The following LAMA3 variants were observed in gnomAD, a reference collection of about 807,000 sequenced individuals.
The protein encoded by LAMA3 is laminin subunit alpha 3, also known as laminin subunit alpha-3.
A neutral mutation model predicts 402.0 loss-of-function variants in LAMA3; 281 were observed. That is an observed-to-expected ratio of 0.70 (90% CI 0.63 to 0.77). The LOEUF (loss-of-function observed/expected upper bound fraction) is 0.77. Among genes scored for constraint, LAMA3 ranks in the 30% least tolerant of loss-of-function variants. The pLI is 0.00. For missense variants in LAMA3, 3,840 were observed against 4,215.5 expected, an observed-to-expected ratio of 0.91 and a Z score of 2.47; for synonymous variants, 1,431 against 1,558.4, an observed-to-expected ratio of 0.92 and a Z score of 1.93.
chr18:23,765,137 C>A (rs2062049494), intron 8 of LAMA3, among the ~76,000 whole-genome samples: 1 of 152,218 alleles, frequency 6.6e-6, no homozygotes, highest in Non-Finnish European at 1.5e-5. Context: ...AGAGGGGAGG[C>A]CAAAGTTGGT....
intron 37 of LAMA3, among the ~76,000 whole-genome samples, chr18:23,870,330 A>G (rs1323971664): frequency 2.0e-5 from 3 of 151,944 alleles, no homozygotes; most frequent in African/African-American, 7.2e-5. Flanking sequence ...TACCAAACAG[A>G]ACATAGCAAG....
chr18:23,734,489 A>T (rs1230336213), intron 2 of LAMA3, among the ~76,000 whole-genome samples: 2 of 152,226 alleles, frequency 1.3e-5, no homozygotes. Context: ...TGGTCACTGC[A>T]ACCACAGCTA....
intron 42 of LAMA3, among the ~76,000 whole-genome samples, chr18:23,892,412 A>G (rs921223794): frequency 1.3e-5 from 2 of 151,984 alleles, no homozygotes; most frequent in South Asian, 4.2e-4. Flanking sequence ...TCAACTAATA[A>G]GGGACACATT....
At chr18:23,912,602 A>G (rs567714648) in intron 55 of LAMA3, 109 bp from the exon 56 acceptor site, 1 of 882,254 alleles carries the variant, frequency 1.1e-6, no homozygotes, top group South Asian at 1.3e-5. Flanking sequence ...CCTTATCATA[A>G]CAACTCAGGA....
At chr18:23,765,791 A>C (rs981591784) in intron 8 of LAMA3, among the ~76,000 whole-genome samples, 5 of 152,212 alleles carry the variant, frequency 3.3e-5, no homozygotes, top group African/African-American at 1.2e-4. Context: ...TGAAAATTCT[A>C]TAACTAAAAA....
At chr18:23,954,401 T>TAACAAAAAAAA (rs1491557212) in intron 74 of LAMA3, 102 bp from the exon 75 acceptor site, 1 of 588,740 alleles carries the variant, frequency 1.7e-6, no homozygotes, top group Non-Finnish European at 2.6e-6. Context: ...GGACCCTGTC[T>TAACAAAAAAAA]AAAAAAAAAA....
chr18:23,713,905 CT>C lies in LAMA3; in HGVS notation c.295-4del, dbSNP rs112340800. On this transcript the variant is annotated splice_polypyrimidine_tract_variant and intron_variant, in intron 1 of 74. Coordinates refer to ENST00000313654, the MANE Select transcript of LAMA3 (RefSeq NM_198129.4). ...AAAAACAAAAAACAAAAAAAACCCA[CT>C]TTTTTTTTTTCAGGGCCAGTTCTGT... 42,651 of 1,183,188 alleles carry C rather than the reference CT, an allele frequency of 0.036. 1,135 individuals are homozygous for C. The highest frequency in any genetic ancestry group is 0.18 in the African/African-American group (11,680 of 66,136). The allele number at this position is 1,183,188 out of a possible 1,614,324, so 73.3% of individuals were successfully genotyped here.
Position 23,845,065 on chromosome 18 carries a change from A to G in LAMA3, c.3660A>G (p.Lys1220=), listed in dbSNP as rs1189053310. 5 of 1,613,674 alleles carry G rather than the reference A, an allele frequency of 3.1e-6. No individual in the cohort carries two copies. The East Asian group carries it at 1.1e-4, about 36-fold the overall frequency. ...ENYDYQILHK[K]SMDKSLEFIT... ...ATGACTACCAAATACTTCACAAAAA[A>G]TCCATGGACAAGTCACTCGAGTTTA... Residue 1220 remains lysine, a synonymous_variant, in exon 30 of 75, where the codon AAA becomes AAG. Coordinates refer to ENST00000313654, the MANE Select transcript of LAMA3 (RefSeq NM_198129.4).
intron 24 of LAMA3, among the ~76,000 whole-genome samples, chr18:23,836,406 G>A (rs185140838): frequency 1.4e-4 from 22 of 152,120 alleles, no homozygotes; most frequent in African/African-American, 5.1e-4. Context: ...GGGTTTTAAC[G>A]TTAGAGTTAT....
rs1568275276 is a variant in LAMA3, at chr18:23,867,922, A to G, written c.4767+5A>G. On this transcript the variant is annotated splice_donor_5th_base_variant and intron_variant, in intron 37 of 74. Coordinates refer to ENST00000313654, the MANE Select transcript of LAMA3 (RefSeq NM_198129.4). Reference sequence around the variant, plus strand: ...GGACGAGTGCACGTGGTCGAGGTAAAGGAAGAGCAACCATAGGATGGTCCT... The same window carrying G: ...GGACGAGTGCACGTGGTCGAGGTAAGGGAAGAGCAACCATAGGATGGTCCT... The G allele has an allele frequency of 1.2e-6, 2 of 1,612,188 alleles. No individual in the cohort carries two copies. Among genetic ancestry groups the G allele is most frequent in the East Asian group, 4.5e-5 (2 of 44,854 alleles).
In LAMA3 at chr18:23,904,709, CAGCAG is replaced by C; in HGVS notation, c.6615+16_6615+20del. 1 of 1,613,584 alleles carries C rather than the reference CAGCAG, an allele frequency of 6.2e-7. No homozygotes were observed. The highest frequency in any genetic ancestry group is 8.5e-7 in the Non-Finnish European group (1 of 1,179,744). On this transcript the variant is annotated intron_variant, in intron 51 of 74. Transcript: ENST00000313654. ...CTGCCCTCCAGGTGGGCACCTGTAC[CAGCAG>C]CTTCTCCACATTCGCTGTGGAGATG...
chr18:23,942,231 G>T lies in LAMA3; in HGVS notation c.9027-1557G>T, dbSNP rs72875933. Among the ~76,000 whole-genome samples, 1,312 of 152,318 alleles carry T rather than the reference G, an allele frequency of 8.6e-3. 10 individuals are homozygous for T. Among genetic ancestry groups the T allele is most frequent in the Middle Eastern group, 0.071 (21 of 294 alleles). Reference sequence around the variant, plus strand: ...TAATAGGCACTGGGGATGCCGCTGTGAGTGGGATGAACCCATGCCTCCTAT... The same window carrying T: ...TAATAGGCACTGGGGATGCCGCTGTTAGTGGGATGAACCCATGCCTCCTAT... On this transcript the variant is annotated intron_variant, in intron 68 of 74. Coordinates refer to ENST00000313654, the MANE Select transcript of LAMA3 (RefSeq NM_198129.4).
chr18:23,813,543 T>G (rs2063115597), intron 14 of LAMA3, among the ~76,000 whole-genome samples: 1 of 148,980 alleles, frequency 6.7e-6, no homozygotes, highest in South Asian at 2.1e-4. Context: ...CTTTTTCTTT[T>G]CTTTTCTTTC....
intron 1 of LAMA3, among the ~76,000 whole-genome samples, chr18:23,705,997 A>G (rs573704115): frequency 2.0e-5 from 3 of 152,260 alleles, no homozygotes; most frequent in Admixed American, 6.5e-5. Flanking sequence ...TTTTTAGTAT[A>G]GTTTTTATTA....
intron 45 of LAMA3, 30 bp downstream of exon 45, chr18:23,898,878 GTT>G (rs1568315362): frequency 6.4e-7 from 1 of 1,573,044 alleles, no homozygotes; most frequent in Non-Finnish European, 8.7e-7. Flanking sequence ...TAACTTTGGG[GTT>G]TTTTTGCTTT....
intron 1 of LAMA3, among the ~76,000 whole-genome samples, chr18:23,693,375 A>G (rs1269222506): frequency 6.6e-6 from 1 of 152,198 alleles, no homozygotes; most frequent in Non-Finnish European, 1.5e-5. Context: ...TTATGTTTAC[A>G]TATGTAGTTA....
chr18:23,843,294 G>A (rs139890477), intron 29 of LAMA3, among the ~76,000 whole-genome samples: 21 of 152,184 alleles, frequency 1.4e-4, no homozygotes, highest in African/African-American at 4.6e-4. Context: ...CATCTCCTGC[G>A]TATCTGCCTG....
chr18:23,710,883 T>G (rs1008217368), intron 1 of LAMA3, among the ~76,000 whole-genome samples: 2 of 152,232 alleles, frequency 1.3e-5, no homozygotes, highest in African/African-American at 4.8e-5. Flanking sequence ...ATGTTTACAC[T>G]GATCTTTTTA....
intron 12 of LAMA3, among the ~76,000 whole-genome samples, chr18:23,788,393 A>G (rs1598795351): frequency 6.6e-6 from 1 of 152,104 alleles, no homozygotes; most frequent in East Asian, 1.9e-4. Context: ...TAGAGCAACC[A>G]CTAACATAGT....
Sources: gnomAD v4.1 joint callset for allele counts (sites outside exome capture counted in the v4.1 genomes callset) on GRCh38, gnomAD v4.1.1 for gene constraint, MANE v1.5 for transcripts, NCBI Gene and HGNC (gene_info 2026-07-23, HGNC 2026-07-21) for gene names.